DPP6: variants seen among roughly 807,000 people sequenced by gnomAD.
DPP6 encodes dipeptidyl peptidase like 6, also known as A-type potassium channel modulatory protein DPP6.
A neutral mutation model predicts 122.6 loss-of-function variants in DPP6; 69 were observed. The observed-to-expected ratio is 0.56, with a 90% CI of 0.46 to 0.69. The LOEUF is 0.69. Ranked by LOEUF, DPP6 falls within the 30% of genes least tolerant of loss-of-function variation. DPP6 has a pLI of 0.00. For missense variants in DPP6, 928 were observed against 1,116.9 expected, an observed-to-expected ratio of 0.83 and a Z score of 2.41; for synonymous variants, 418 against 433.1, an observed-to-expected ratio of 0.97 and a Z score of 0.43.
intron 1 of DPP6, among the ~76,000 whole-genome samples, chr7:154,295,134 C>T (rs1274801803): frequency 6.6e-6 from 1 of 152,182 alleles, no homozygotes; most frequent in East Asian, 1.9e-4. Flanking sequence ...GAAATCCAGC[C>T]ACTTTGGAGT....
At position 154,091,074 on chromosome 7, in the gene DPP6, CTG is replaced by C. The variant is rs1804791493; in HGVS notation, c.243+38012_243+38013del. Among the ~76,000 whole-genome samples, 4 of 149,992 alleles carry C rather than the reference CTG, an allele frequency of 2.7e-5. No individual in the cohort carries two copies. In the East Asian group the frequency reaches 8.0e-4, roughly 30 times the overall value. On this transcript the variant is annotated intron_variant, in intron 1 of 25. Transcript: ENST00000377770. The stretch of plus-strand genomic sequence containing the variant: ...AGGTGGAGCTTGCAGTGAGCCGAGA[CTG>C]CGCCACTGCACTCCAGCTTGGGCAA...
At chr7:154,539,774 CA>C (rs980040296) in intron 3 of DPP6, among the ~76,000 whole-genome samples, 3 of 147,626 alleles carry the variant, frequency 2.0e-5, no homozygotes, top group African/African-American at 7.3e-5. Flanking sequence ...ATGAAATAAA[CA>C]TTTTTTTAAA....
chr7:154,781,065 A>T (rs1181869042), intron 10 of DPP6, among the ~76,000 whole-genome samples: 1 of 152,014 alleles, frequency 6.6e-6, no homozygotes, highest in Non-Finnish European at 1.5e-5. Context: ...GGATGGATGG[A>T]TGATGGACAG....
intron 1 of DPP6, among the ~76,000 whole-genome samples, chr7:153,957,901 C>T (rs1299047282): frequency 6.6e-6 from 1 of 152,148 alleles, no homozygotes; most frequent in Non-Finnish European, 1.5e-5. Flanking sequence ...CGGTGGCTCA[C>T]ACCTGTAATC....
At chr7:154,411,844 T>C (rs75877610) in intron 1 of DPP6, among the ~76,000 whole-genome samples, 4,245 of 152,242 alleles carry the variant, frequency 0.028, 186 homozygotes, top group African/African-American at 0.097. Context: ...TGCAAGAGCA[T>C]CCTGAAGTAG....
intron 3 of DPP6, among the ~76,000 whole-genome samples, chr7:154,517,597 G>A (rs577386686): frequency 1.2e-4 from 19 of 152,182 alleles, no homozygotes; most frequent in South Asian, 8.3e-4. Flanking sequence ...TGATCTAGTT[G>A]ACATTGTTTA....
chr7:154,021,768 C>A (rs1470370749), intron 1 of DPP6, among the ~76,000 whole-genome samples: 1 of 152,172 alleles, frequency 6.6e-6, no homozygotes, highest in Non-Finnish European at 1.5e-5. Flanking sequence ...CAGCCTCAGT[C>A]TCCTATGGTG....
At chr7:154,122,063 A>G (rs1165046155) in intron 1 of DPP6, among the ~76,000 whole-genome samples, 1 of 152,228 alleles carries the variant, frequency 6.6e-6, no homozygotes, top group African/African-American at 2.4e-5. Context: ...ATTTAGTACA[A>G]TTGAGAAATT....
At chr7:154,823,076 T>C (rs1420301065) in intron 16 of DPP6, among the ~76,000 whole-genome samples, 1 of 152,222 alleles carries the variant, frequency 6.6e-6, no homozygotes, top group Non-Finnish European at 1.5e-5. Flanking sequence ...GGAAAATAAG[T>C]TAATACACAT....
At chr7:154,508,648 C>G (rs2129750349) in intron 3 of DPP6, among the ~76,000 whole-genome samples, 1 of 152,332 alleles carries the variant, frequency 6.6e-6, no homozygotes, top group Non-Finnish European at 1.5e-5. Flanking sequence ...CATGTCACTT[C>G]TGCCTCCACT....
At chr7:153,762,763 G>A in the DPP6 span, among the ~76,000 whole-genome samples, 57 of 152,012 alleles carry the variant, frequency 3.7e-4, no homozygotes, top group Non-Finnish European at 7.6e-4. Flanking sequence ...TTGGGCAACA[G>A]GAGCGAAACT....
Position 154,317,513 on chromosome 7 carries a change from T to C in DPP6, c.244-128701T>C, listed in dbSNP as rs946527393. The stretch of plus-strand genomic sequence containing the variant: ...GTGTATTCATTGTCGAAAATGTGTT[T>C]GCGATGTAGATACTTCTTTCACCTA... On this transcript the variant is annotated intron_variant, in intron 1 of 25. Coordinates refer to ENST00000377770, the MANE Select transcript of DPP6 (RefSeq NM_130797.4). Among the ~76,000 whole-genome samples the C allele has an allele frequency of 5.3e-5, 8 of 152,170 alleles. No individual in the cohort carries two copies. In the East Asian group the frequency reaches 7.7e-4, roughly 15 times the overall value.
intron 1 of DPP6, among the ~76,000 whole-genome samples, chr7:154,337,709 C>T (rs907723700): frequency 9.9e-5 from 15 of 152,150 alleles, no homozygotes; most frequent in Admixed American, 5.9e-4. Context: ...GAAACCAGAA[C>T]GCAAGGGATA....
chr7:153,911,889 C>G (rs1800106653), intron 1 of DPP6, among the ~76,000 whole-genome samples: 1 of 152,218 alleles, frequency 6.6e-6, no homozygotes, highest in Non-Finnish European at 1.5e-5. Flanking sequence ...TGTGCAATGG[C>G]TGTCCATTAA....
chr7:154,388,635 CA>C (rs1814333008), intron 1 of DPP6, among the ~76,000 whole-genome samples: 1 of 152,058 alleles, frequency 6.6e-6, no homozygotes. Context: ...ATGCCCAGGC[CA>C]GCGTGCTCTG....
intron 2 of DPP6, among the ~76,000 whole-genome samples, chr7:154,459,131 A>C (rs1036094156): frequency 1.6e-5 from 2 of 124,588 alleles, no homozygotes; most frequent in Admixed American, 7.7e-5. Context: ...TGGGAGATGA[A>C]ATGCAGATTA....
intron 1 of DPP6, among the ~76,000 whole-genome samples, chr7:154,121,161 A>T (rs1290673131): frequency 6.6e-6 from 1 of 152,152 alleles, no homozygotes; most frequent in Admixed American, 6.6e-5. Context: ...AGTCTGTTAA[A>T]CCCGTTTTCT....
chr7:154,638,911 A>G (rs1835892980), intron 6 of DPP6, among the ~76,000 whole-genome samples: 1 of 151,730 alleles, frequency 6.6e-6, no homozygotes, highest in South Asian at 2.1e-4. Context: ...TTCTACTGTC[A>G]TGCTTTGCAA....
intron 1 of DPP6, among the ~76,000 whole-genome samples, chr7:153,928,396 A>ATTTTTTTTTTTTTTTTTCTTT (rs1801013523): frequency 2.3e-5 from 1 of 43,672 alleles, no homozygotes; most frequent in African/African-American, 7.9e-5. Flanking sequence ...CTTTTCTTTC[A>ATTTTTTTTTTTTTTTTTCTTT]TTTTTTTTTT....
Sources: gnomAD v4.1 joint callset for allele counts (sites outside exome capture counted in the v4.1 genomes callset) on GRCh38, gnomAD v4.1.1 for gene constraint, MANE v1.5 for transcripts, NCBI Gene and HGNC (gene_info 2026-07-23, HGNC 2026-07-21) for gene names.